The following ITGB3 variants were observed in gnomAD, a reference collection of about 807,000 sequenced individuals.
ITGB3 encodes the protein integrin beta-3.
Under a neutral mutation model 85.8 loss-of-function variants are expected in ITGB3, and 48 were observed. That is an observed-to-expected ratio of 0.56 (90% CI 0.44 to 0.71). The LOEUF (loss-of-function observed/expected upper bound fraction) is 0.71, where lower values mean the gene tolerates loss of function less well. Ranked by LOEUF, ITGB3 falls within the 30% of genes least tolerant of loss-of-function variation. The pLI is 0.00. For synonymous variants in ITGB3, 363 were observed against 395.6 expected (o/e 0.92, Z 0.98); for missense variants, 861 against 1,019.1 (o/e 0.84, Z 2.11).
Position 47,253,908 on chromosome 17 carries a change from C to T in ITGB3, c.47C>T (p.Ala16Val). ...RPRPLWATVL[A>V]LGALAGVGVG... The stretch of plus-strand genomic sequence containing the variant: ...CGGCCGCTCTGGGCGACTGTGCTGG[C>T]GCTGGGGGCGCTGGCGGGCGTTGGC... Residue 16 changes from alanine (A) to valine (V), a missense_variant, in exon 1 of 15, where the codon GCG becomes GTG. Ala to Val is a moderately conservative substitution (Grantham distance 64, BLOSUM62 0). Coordinates refer to ENST00000559488, the MANE Select transcript of ITGB3 (RefSeq NM_000212.3). The T allele has an allele frequency of 1.4e-6, 2 of 1,404,944 alleles. No individual in the cohort carries two copies. Among genetic ancestry groups the T allele is most frequent in the Non-Finnish European group, 1.9e-6 (2 of 1,073,594 alleles). The allele number at this position is 1,404,944 out of a possible 1,614,324, so 87.0% of individuals were successfully genotyped here.
At position 47,312,438 on chromosome 17, in the gene ITGB3, T is replaced by C. The variant is rs561681430; in HGVS notation, c.*2234T>C. Among the ~76,000 whole-genome samples the C allele has an allele frequency of 3.3e-5, 5 of 152,212 alleles. No individual in the cohort carries two copies. In the South Asian group the frequency reaches 1.0e-3, roughly 32 times the overall value. On this transcript the variant is annotated 3_prime_UTR_variant, in exon 15 of 15. Coordinates refer to ENST00000559488, the MANE Select transcript of ITGB3 (RefSeq NM_000212.3). Reference sequence around the variant, plus strand: ...GAGGGATAGTCATGGATCCAAGAAGTCCTTAGAAATAGTGGCAGGGAACAG... The same window carrying C: ...GAGGGATAGTCATGGATCCAAGAAGCCCTTAGAAATAGTGGCAGGGAACAG...
intron 2 of ITGB3, among the ~76,000 whole-genome samples, chr17:47,281,333 G>C (rs1022536138): frequency 5.9e-5 from 9 of 152,198 alleles, no homozygotes; most frequent in Non-Finnish European, 1.3e-4. Flanking sequence ...CCAGCTTCCT[G>C]GCTGGTCCCC....
intron 10 of ITGB3, among the ~76,000 whole-genome samples, chr17:47,297,556 T>A (rs2065150325): frequency 6.6e-6 from 1 of 151,872 alleles, no homozygotes; most frequent in African/African-American, 2.4e-5. Flanking sequence ...CTTGGGAGGC[T>A]GAGGCAGGAG....
intron 8 of ITGB3, among the ~76,000 whole-genome samples, chr17:47,290,600 C>T (rs1166576673): frequency 6.6e-6 from 1 of 152,104 alleles, no homozygotes; most frequent in East Asian, 1.9e-4. Context: ...AGAGCTGAGA[C>T]ATGGGGAAGG....
chr17:47,299,585 T>C lies in ITGB3; in HGVS notation c.1913+55T>C, dbSNP rs2065158595. Reference sequence around the variant, plus strand: ...GGCTGGGAGGTAGGAGAGGATCCCCTGACTAGAATCCCCAGCTCTCCAGGT... The same window carrying C: ...GGCTGGGAGGTAGGAGAGGATCCCCCGACTAGAATCCCCAGCTCTCCAGGT... On this transcript the variant is annotated intron_variant, in intron 11 of 14. Coordinates refer to ENST00000559488, the MANE Select transcript of ITGB3 (RefSeq NM_000212.3). This position sits in a 1 kb window ranked among gnomAD's most constrained non-coding sequence, Gnocchi z 5.1. 1 of 1,495,050 alleles carries C rather than the reference T, an allele frequency of 6.7e-7. No homozygotes were observed. The highest frequency in any genetic ancestry group is 2.3e-5 in the East Asian group (1 of 43,110). 92.6% of individuals were successfully genotyped at this position (1,495,050 alleles called of 1,614,324 possible). A position where few individuals can be genotyped will look rare whatever the true frequency, so the allele number is the denominator to read the frequency against.
At chr17:47,304,003 C>T (rs1412476206) in intron 13 of ITGB3, among the ~76,000 whole-genome samples, 4 of 152,072 alleles carry the variant, frequency 2.6e-5, no homozygotes, top group Admixed American at 2.6e-4. Flanking sequence ...ACAATCCTCC[C>T]ATCCCAGCCT....
At chr17:47,269,337 A>G (rs953037456) in intron 1 of ITGB3, among the ~76,000 whole-genome samples, 2 of 152,104 alleles carry the variant, frequency 1.3e-5, no homozygotes, top group Non-Finnish European at 2.9e-5. Flanking sequence ...TTTCTTTTCT[A>G]TCACATCGTC....
At position 47,310,573 on chromosome 17, in the gene ITGB3, C is replaced by A. The variant is rs2065210200; in HGVS notation, c.*369C>A. On this transcript the variant is annotated 3_prime_UTR_variant, in exon 15 of 15. Coordinates refer to ENST00000559488, the MANE Select transcript of ITGB3 (RefSeq NM_000212.3). ...TGAGAAGCCAGCTTTCCTCATCAGGCCATTGTCCCTGAAGAGAAGGGCAGG... is the reference window on the plus strand; with the variant it reads ...TGAGAAGCCAGCTTTCCTCATCAGGACATTGTCCCTGAAGAGAAGGGCAGG... 2.2e-5 allele frequency: 8 copies of A among 363,438 alleles called. No homozygotes were observed. The highest frequency in any genetic ancestry group is 1.8e-4 in the South Asian group (8 of 43,976). The allele number at this position is 363,438 out of a possible 1,614,324, so 22.5% of individuals were successfully genotyped here.
intron 1 of ITGB3, among the ~76,000 whole-genome samples, chr17:47,270,170 C>G (rs1158680516): frequency 2.0e-5 from 3 of 152,292 alleles, no homozygotes; most frequent in African/African-American, 7.2e-5. Flanking sequence ...TACTACAGTT[C>G]AAGATGAGTT....
chr17:47,303,075 C>T (rs991834148), intron 13 of ITGB3, among the ~76,000 whole-genome samples: 1 of 152,128 alleles, frequency 6.6e-6, no homozygotes, highest in Non-Finnish European at 1.5e-5. Flanking sequence ...TGGTGAAACC[C>T]TGTCTCTACT....
intron 11 of ITGB3, 132 bp from the exon 12 acceptor site, chr17:47,300,346 C>CGCGCGCGT (rs377375532): frequency 1.6e-6 from 1 of 619,018 alleles, no homozygotes. Context: ...CGCGCGCGCG[C>CGCGCGCGT]GTGTGTGTGT....
At chr17:47,303,041 A>G (rs1468399521) in intron 13 of ITGB3, among the ~76,000 whole-genome samples, 3 of 152,226 alleles carry the variant, frequency 2.0e-5, no homozygotes, top group Non-Finnish European at 4.4e-5. Flanking sequence ...TGGGGTCAGG[A>G]GTTCAATACC....
intron 1 of ITGB3, among the ~76,000 whole-genome samples, chr17:47,254,730 T>G (rs1465594348): frequency 2.6e-5 from 4 of 152,148 alleles, no homozygotes; most frequent in African/African-American, 9.7e-5. Context: ...TTCGGCCTCT[T>G]TGGTACTGGG....
At chr17:47,270,051 C>T (rs928242054) in intron 1 of ITGB3, among the ~76,000 whole-genome samples, 1 of 152,186 alleles carries the variant, frequency 6.6e-6, no homozygotes, top group African/African-American at 2.4e-5. Flanking sequence ...ATTAAACCAT[C>T]AGATCTTGTG....
chr17:47,286,468 A>C (rs1161825069), intron 5 of ITGB3, 46 bp downstream of exon 5: 2 of 1,609,630 alleles, frequency 1.2e-6, no homozygotes, highest in Admixed American at 3.3e-5. Context: ...GGCATAGATC[A>C]AAATGGGAAA....
In ITGB3 at chr17:47,287,141, A is replaced by G; in HGVS notation, c.849A>G (p.Ala283=). ...CCACTGATGCCAAGACTCATATAGC[A>G]TTGGACGGAAGGCTGGCAGGCATTG... ...VFTTDAKTHI[A]LDGRLAGIVQ... The change falls in exon 6 of 15, where the codon GCA becomes GCG. Residue 283 remains alanine, a synonymous_variant. Coordinates refer to ENST00000559488, the MANE Select transcript of ITGB3 (RefSeq NM_000212.3). The G allele has an allele frequency of 1.2e-6, 2 of 1,613,996 alleles. 1 individual carries two copies. Among genetic ancestry groups the G allele is most frequent in the Middle Eastern group, 3.3e-4 (2 of 6,062 alleles).
intron 1 of ITGB3, among the ~76,000 whole-genome samples, chr17:47,255,651 A>AC (rs2064986647): frequency 6.7e-6 from 1 of 148,886 alleles, no homozygotes; most frequent in Non-Finnish European, 1.5e-5. Context: ...CGATCTCTTG[A>AC]CCCCGTGATC....
chr17:47,307,120 A>G (rs944042033), intron 13 of ITGB3, among the ~76,000 whole-genome samples: 1 of 152,174 alleles, frequency 6.6e-6, no homozygotes, highest in Non-Finnish European at 1.5e-5. Context: ...AGTGACTCAT[A>G]GGTAGTTTTT....
rs150292596 is a variant in ITGB3 at position 47,307,995 on chromosome 17, G to A, written c.2301+358G>A. 9.4e-3 allele frequency among the ~76,000 whole-genome samples: 1,433 copies of A among 151,830 alleles called. 25 individuals are homozygous for A. Among genetic ancestry groups the A allele is most frequent in the African/African-American group, 0.032 (1,328 of 41,360 alleles). ...AGCCTGGGCAACATGGTGAAACCCC[G>A]TCTCTATTAATAATATAAAAATTAG... is the stretch of plus-strand genomic sequence containing the variant. On this transcript the variant is annotated intron_variant, in intron 14 of 14. Transcript: ENST00000559488.
Sources: allele counts gnomAD v4.1 joint callset (sites outside exome capture counted in the v4.1 genomes callset), GRCh38; gene constraint gnomAD v4.1.1; non-coding constraint Gnocchi (gnomAD v3.1); transcripts MANE v1.5; gene names NCBI Gene and HGNC (gene_info 2026-07-23, HGNC 2026-07-21).